The following IL1R2 variants were observed in gnomAD, a reference collection of about 807,000 sequenced individuals.
IL1R2 encodes the protein interleukin-1 receptor type 2.
A neutral mutation model predicts 39.5 loss-of-function variants in IL1R2; 46 were observed. The ratio of observed to expected loss-of-function variants is 1.16; its 90% CI spans 0.92 to 1.49. The LOEUF (loss-of-function observed/expected upper bound fraction) is 1.49, where lower values mean the gene tolerates loss of function less well. Ranked by LOEUF, IL1R2 falls within the 40% of genes most tolerant of loss-of-function variation. The pLI is 0.00. For synonymous variants in IL1R2, 207 were observed against 189.6 expected, an observed-to-expected ratio of 1.09 and a Z score of -0.75; for missense variants, 537 against 502.0, an observed-to-expected ratio of 1.07 and a Z score of -0.67.
chr2:102,022,720 G>T (rs577416713), intron 6 of IL1R2, among the ~76,000 whole-genome samples: 7 of 152,332 alleles, frequency 4.6e-5, no homozygotes, highest in Admixed American at 4.6e-4. Flanking sequence ...CTGGTAAGCT[G>T]GTTGAATGGT....
chr2:102,012,097 T>C (rs1164168203), intron 3 of IL1R2, among the ~76,000 whole-genome samples: 5 of 152,230 alleles, frequency 3.3e-5, no homozygotes, highest in African/African-American at 9.6e-5. Flanking sequence ...TTTCTTGGCT[T>C]CGTTCTTCTG....
intron 1 of IL1R2, 122 bp from the exon 2 acceptor site, chr2:102,008,393 A>G: frequency 3.3e-6 from 2 of 604,346 alleles, no homozygotes; most frequent in South Asian, 2.0e-5. Flanking sequence ...GTTCTTAAAC[A>G]GAGTAGGCCA....
In IL1R2 at chr2:102,024,068, AC is replaced by A. The variant is rs1377441495; in HGVS notation, c.752-464del. Among the ~76,000 whole-genome samples the A allele has an allele frequency of 5.3e-5, 8 of 151,556 alleles. No individual in the cohort carries two copies. The East Asian group carries it at 1.6e-3, about 30-fold the overall frequency. On this transcript the variant is annotated intron_variant, in intron 6 of 8. Coordinates refer to ENST00000332549, the MANE Select transcript of IL1R2 (RefSeq NM_004633.4). ...CATCTCAAAAACAAAACAAAACAAA[AC>A]AAAAAAAACACGAGTTTTTAAAGAA... is the stretch of plus-strand genomic sequence containing the variant.
intron 1 of IL1R2, among the ~76,000 whole-genome samples, chr2:102,004,900 T>C (rs758007385): frequency 1.3e-5 from 2 of 152,182 alleles, no homozygotes; most frequent in African/African-American, 4.8e-5. Context: ...TGGCTGGAGA[T>C]GGTGGTGGGG....
At chr2:102,008,420 C>T in intron 1 of IL1R2, 95 bp from the exon 2 acceptor site, 1 of 653,384 alleles carries the variant, frequency 1.5e-6, no homozygotes, top group Non-Finnish European at 2.8e-6. Flanking sequence ...TCCCATTATC[C>T]AGTGAAGCTT....
intron 8 of IL1R2, among the ~76,000 whole-genome samples, chr2:102,027,379 T>C (rs1677803643): frequency 1.3e-5 from 2 of 152,180 alleles, no homozygotes; most frequent in Admixed American, 1.3e-4. Flanking sequence ...CTGGCCCTGA[T>C]GCTGGGAACC....
chr2:102,013,554 G>GAAAAAA (rs1577711343), intron 3 of IL1R2, among the ~76,000 whole-genome samples: 39 of 31,606 alleles, frequency 1.2e-3, no homozygotes, highest in Non-Finnish European at 1.6e-3. Context: ...AAAAAAAAAG[G>GAAAAAA]AAAGAAAGAA....
At chr2:102,001,961 G>T (rs913676347) in intron 1 of IL1R2, 3 of 152,102 alleles carry the variant, frequency 2.0e-5, no homozygotes, top group African/African-American at 7.2e-5. Flanking sequence ...CCGTGTTTTT[G>T]TTCTTTGAAT....
intron 5 of IL1R2, among the ~76,000 whole-genome samples, chr2:102,020,611 C>A (rs1431550389): frequency 1.3e-5 from 2 of 152,204 alleles, no homozygotes; most frequent in Non-Finnish European, 2.9e-5. Flanking sequence ...CACAGAGCAT[C>A]CAGAGATTCA....
intron 4 of IL1R2, among the ~76,000 whole-genome samples, chr2:102,018,319 T>A (rs1677137451): frequency 6.6e-6 from 1 of 152,260 alleles, no homozygotes; most frequent in African/African-American, 2.4e-5. Context: ...GCACAGGCTC[T>A]GGCGTCAATG....
chr2:102,003,324 GTGTC>G (rs1177272090), intron 1 of IL1R2, among the ~76,000 whole-genome samples: 1 of 148,510 alleles, frequency 6.7e-6, no homozygotes, highest in Non-Finnish European at 1.5e-5. Flanking sequence ...TCCCATGTCT[GTGTC>G]TGTGTCTGGC....
intron 7 of IL1R2, among the ~76,000 whole-genome samples, chr2:102,025,187 C>G (rs1031064675): frequency 3.3e-5 from 5 of 152,174 alleles, no homozygotes. Context: ...CTCTGAGACT[C>G]GAACAATCAG....
chr2:102,021,121 A>T (rs567928313), intron 5 of IL1R2, among the ~76,000 whole-genome samples: 1 of 152,138 alleles, frequency 6.6e-6, no homozygotes, highest in South Asian at 2.1e-4. Context: ...CGTGGTCGAA[A>T]AGCCGTCTGC....
intron 1 of IL1R2, among the ~76,000 whole-genome samples, chr2:102,005,836 T>C (rs1184448491): frequency 6.6e-6 from 1 of 152,176 alleles, no homozygotes; most frequent in East Asian, 1.9e-4. Context: ...GAGAAGAAAC[T>C]AGCAGCATCT....
intron 1 of IL1R2, among the ~76,000 whole-genome samples, chr2:101,996,514 G>C (rs1265597576): frequency 7.5e-6 from 1 of 132,866 alleles, no homozygotes; most frequent in African/African-American, 2.8e-5. Flanking sequence ...TTGGGGGGGA[G>C]AATGGCTGAC....
At position 102,023,485 on chromosome 2, in the gene IL1R2, GTTACGGC is replaced by G. The variant is rs557171621; in HGVS notation, c.752-1046_752-1040del. The G allele has an allele frequency of 4.9e-3, 752 of 152,342 alleles. 3 individuals are homozygous for G. The highest frequency in any genetic ancestry group is 0.024 in the Middle Eastern group (7 of 296). 9.4% of individuals were successfully genotyped at this position (152,342 alleles called of 1,614,324 possible). ...GCCACGTGACACTGATTAGTAGGTT[GTTACGGC>G]TGAGGAAGATCTTTAAGGTCATAGG... On this transcript the variant is annotated intron_variant, in intron 6 of 8. Transcript: ENST00000332549.
intron 3 of IL1R2, among the ~76,000 whole-genome samples, chr2:102,010,419 C>CA (rs1353903594): frequency 1.3e-4 from 19 of 151,768 alleles, no homozygotes; most frequent in Non-Finnish European, 2.4e-4. Flanking sequence ...TAAAAAAATA[C>CA]AAAAAAATTA....
chr2:101,993,086 T>C (rs972635863), intron 1 of IL1R2, among the ~76,000 whole-genome samples: 2 of 151,458 alleles, frequency 1.3e-5, no homozygotes, highest in African/African-American at 4.9e-5. Flanking sequence ...AGGCTGCACG[T>C]GGGATGTGCA....
Position 102,009,479 on chromosome 2 carries a change from G to A in IL1R2, c.68-83G>A, listed in dbSNP as rs1577701669. ...GCTCCAGGTTTCCCTGCCAGAATCA[G>A]GATCAGTCCCAGGTGCAGGGAGGTT... is the stretch of plus-strand genomic sequence containing the variant. On this transcript the variant is annotated intron_variant, in intron 2 of 8. Coordinates refer to ENST00000332549, the MANE Select transcript of IL1R2 (RefSeq NM_004633.4). 11 of 1,444,450 alleles carry A rather than the reference G, an allele frequency of 7.6e-6. No homozygotes were observed. The East Asian group carries it at 2.3e-4, about 30-fold the overall frequency. 89.5% of individuals were successfully genotyped at this position (1,444,450 alleles called of 1,614,324 possible).
Sources: gnomAD v4.1 joint callset for allele counts (sites outside exome capture counted in the v4.1 genomes callset) on GRCh38, gnomAD v4.1.1 for gene constraint, MANE v1.5 for transcripts, NCBI Gene and HGNC (gene_info 2026-07-23, HGNC 2026-07-21) for gene names.